GPR63: variants seen among roughly 807,000 people sequenced by gnomAD.
GPR63 encodes the protein G protein-coupled receptor 63, also known as probable G protein-coupled receptor 63.
Under a neutral mutation model 23.1 loss-of-function variants are expected in GPR63, and 12 were observed. That is an observed-to-expected ratio of 0.52 (90% CI 0.33 to 0.84). GPR63 has a LOEUF of 0.84. GPR63 is among the 40% of genes least tolerant of loss of function. GPR63 has a pLI of 0.02. For missense variants in GPR63, 472 were observed against 515.6 expected, an observed-to-expected ratio of 0.92 and a Z score of 0.82; for synonymous variants, 172 against 191.1, an observed-to-expected ratio of 0.90 and a Z score of 0.82.
intron 1 of GPR63, among the ~76,000 whole-genome samples, chr6:96,809,337 C>T (rs1352572244): frequency 6.6e-6 from 1 of 152,122 alleles, no homozygotes; most frequent in Admixed American, 6.6e-5. Context: ...TTATCTCTAC[C>T]ATGACTCAGA....
chr6:96,800,675 C>A, intron 1 of GPR63, among the ~76,000 whole-genome samples: 1 of 152,156 alleles, frequency 6.6e-6, no homozygotes, highest in Non-Finnish European at 1.5e-5. Flanking sequence ...TTCTCATAGT[C>A]TCTCTTCTCT....
intron 1 of GPR63, among the ~76,000 whole-genome samples, chr6:96,811,440 G>C (rs1487410370): frequency 6.6e-6 from 1 of 152,168 alleles, no homozygotes; most frequent in Non-Finnish European, 1.5e-5. Flanking sequence ...CTAAGAGAAA[G>C]GAGAGCTCTT....
At chr6:96,828,737 T>A (rs9384732) in intron 1 of GPR63, among the ~76,000 whole-genome samples, 1 of 151,988 alleles carries the variant, frequency 6.6e-6, no homozygotes, top group South Asian at 2.1e-4. Context: ...AATGCAAAGA[T>A]CCAGCTATAT....
At chr6:96,820,077 T>C (rs4839874) in intron 1 of GPR63, among the ~76,000 whole-genome samples, 39,872 of 151,886 alleles carry the variant, frequency 0.26, 5,335 homozygotes, top group South Asian at 0.31. Flanking sequence ...TTTCCAAATC[T>C]TGTAAAATGA....
chr6:96,814,582 A>G (rs1360530718), intron 1 of GPR63, among the ~76,000 whole-genome samples: 1 of 152,222 alleles, frequency 6.6e-6, no homozygotes, highest in South Asian at 2.1e-4. Flanking sequence ...GTCCGGCTCC[A>G]AAGTTTCTGC....
intron 1 of GPR63, among the ~76,000 whole-genome samples, chr6:96,804,111 G>A (rs974136482): frequency 2.0e-5 from 3 of 152,190 alleles, no homozygotes; most frequent in Admixed American, 6.5e-5. Context: ...AATGATATAA[G>A]TGGAGTGTTT....
chr6:96,810,265 G>A (rs901552122), intron 1 of GPR63, among the ~76,000 whole-genome samples: 1 of 152,134 alleles, frequency 6.6e-6, no homozygotes, highest in Admixed American at 6.5e-5. Context: ...GAAGGCTGAG[G>A]CAGGTGGATA....
chr6:96,817,877 A>AT lies in GPR63; in HGVS notation c.-150-17997dup, dbSNP rs550140845. 2.5e-4 allele frequency among the ~76,000 whole-genome samples: 36 copies of AT among 143,850 alleles called. 1 individual carries two copies. In the East Asian group the frequency reaches 2.9e-3, roughly 12 times the overall value. 94.4% of individuals were successfully genotyped at this position (143,850 alleles called of 152,430 possible). ...GGGTTTCTGGGAGGTTCATATATTC[A>AT]TTTTTTTTTTCAAATTTCACTGAAC... On this transcript the variant is annotated intron_variant, in intron 1 of 1. Coordinates refer to ENST00000229955, the MANE Select transcript of GPR63 (RefSeq NM_030784.4).
chr6:96,825,725 CTTAAT>C (rs1435473170), intron 1 of GPR63, among the ~76,000 whole-genome samples: 1 of 151,868 alleles, frequency 6.6e-6, no homozygotes, highest in African/African-American at 2.4e-5. Context: ...GACATGGAAG[CTTAAT>C]TTTAGTCCAT....
At chr6:96,805,095 TAC>T (rs1030454730) in intron 1 of GPR63, among the ~76,000 whole-genome samples, 12 of 151,950 alleles carry the variant, frequency 7.9e-5, no homozygotes, top group Non-Finnish European at 1.3e-4. Flanking sequence ...TAAATATACA[TAC>T]ACACACACAC....
intron 1 of GPR63, among the ~76,000 whole-genome samples, chr6:96,822,413 T>TA (rs1774336856): frequency 6.6e-6 from 1 of 152,170 alleles, no homozygotes; most frequent in African/African-American, 2.4e-5. Flanking sequence ...CTTAGAATTT[T>TA]AAAATCTATG....
chr6:96,820,580 T>C (rs1285248646), intron 1 of GPR63, among the ~76,000 whole-genome samples: 5 of 152,168 alleles, frequency 3.3e-5, no homozygotes, highest in African/African-American at 1.2e-4. Flanking sequence ...CCACAAATAT[T>C]ACCTCAGAAT....
At chr6:96,803,326 A>T (rs1260610541) in intron 1 of GPR63, among the ~76,000 whole-genome samples, 11 of 152,348 alleles carry the variant, frequency 7.2e-5, no homozygotes, top group Non-Finnish European at 4.4e-5. Flanking sequence ...CTGTATATGG[A>T]AGCCTACCCA....
At chr6:96,829,954 T>C (rs1774538106) in intron 1 of GPR63, among the ~76,000 whole-genome samples, 1 of 152,172 alleles carries the variant, frequency 6.6e-6, no homozygotes. Flanking sequence ...TATTATACAT[T>C]ATATACAATA....
chr6:96,798,505 G>C lies in GPR63; in HGVS notation c.1227C>G (p.Val409=), dbSNP rs145975339. Residue 409 remains valine (V), a synonymous_variant, in exon 2 of 2, where the codon GTC becomes GTG. Transcript: ENST00000229955. ...HTKRRIRPSA[V]YVCGEHRTVV is the part of the protein sequence containing the mutation. ...CCGTCCGATGTTCCCCACACACATA[G>C]ACAGCACTAGGACGTATCCGTCGCT... The C allele has an allele frequency of 2.0e-5, 32 of 1,614,164 alleles. No homozygotes were observed. In the African/African-American group the frequency reaches 3.2e-4, roughly 16 times the overall value.
intron 1 of GPR63, among the ~76,000 whole-genome samples, chr6:96,801,938 AT>A (rs1773776879): frequency 6.6e-6 from 1 of 152,236 alleles, no homozygotes; most frequent in South Asian, 2.1e-4. Context: ...AGTACCCTAA[AT>A]ATACATATAA....
intron 1 of GPR63, among the ~76,000 whole-genome samples, chr6:96,824,897 C>A (rs1353386143): frequency 6.6e-6 from 1 of 152,082 alleles, no homozygotes; most frequent in East Asian, 1.9e-4. Context: ...AAAGAGCTGA[C>A]GCAACTGATA....
At position 96,794,418 on chromosome 6, in the gene GPR63, T is replaced by C. The variant is rs1773529582; in HGVS notation, c.*4054A>G. On this transcript the variant is annotated 3_prime_UTR_variant, in exon 2 of 2. Transcript: ENST00000229955. ...CAATGAAGGCAGTTTAGCAGGACTATAGTTGTGAAAATAAATCTGAATGTA... is the reference window on the plus strand; with the variant it reads ...CAATGAAGGCAGTTTAGCAGGACTACAGTTGTGAAAATAAATCTGAATGTA... 1 of 152,188 alleles carries C rather than the reference T, an allele frequency of 6.6e-6. No homozygotes were observed. The highest frequency in any genetic ancestry group is 2.1e-4 in the South Asian group (1 of 4,836). The allele number at this position is 152,188 out of a possible 1,614,324, so 9.4% of individuals were successfully genotyped here. A position where few individuals can be genotyped will look rare whatever the true frequency, so the allele number is the denominator to read the frequency against.
At chr6:96,819,499 A>T (rs749959574) in intron 1 of GPR63, among the ~76,000 whole-genome samples, 5 of 151,914 alleles carry the variant, frequency 3.3e-5, no homozygotes, top group Non-Finnish European at 7.4e-5. Context: ...GGGGAACATC[A>T]CACACTGGGG....
Sources: allele counts gnomAD v4.1 joint callset (sites outside exome capture counted in the v4.1 genomes callset), GRCh38; gene constraint gnomAD v4.1.1; transcripts MANE v1.5; gene names NCBI Gene and HGNC (gene_info 2026-07-23, HGNC 2026-07-21).